Variants in SLC15A5 observed in about 807,000 individuals in gnomAD.
The protein encoded by SLC15A5 is Peptide/histidine transporter ENSP00000340402.
In SLC15A5, 58 loss-of-function variants were observed where a neutral mutation model predicts 56.1. That is an observed-to-expected ratio of 1.03 (90% CI 0.84 to 1.29). SLC15A5 has a LOEUF of 1.29. Ranked by LOEUF, SLC15A5 falls within the 50% of genes most tolerant of loss-of-function variation. The pLI is 0.00. For missense variants in SLC15A5, 681 were observed against 672.1 expected, an observed-to-expected ratio of 1.01 and a Z score of -0.15; for synonymous variants, 264 against 250.5, an observed-to-expected ratio of 1.05 and a Z score of -0.51.
intron 7 of SLC15A5, among the ~76,000 whole-genome samples, chr12:16,206,006 T>C (rs1864015069): frequency 6.6e-6 from 1 of 152,158 alleles, no homozygotes; most frequent in Non-Finnish European, 1.5e-5. Context: ...GAGACAAAAC[T>C]GAAATGGATT....
intron 7 of SLC15A5, among the ~76,000 whole-genome samples, chr12:16,203,329 G>A (rs529725311): frequency 2.6e-5 from 4 of 152,196 alleles, no homozygotes; most frequent in Non-Finnish European, 5.9e-5. Context: ...CACGGAAAAA[G>A]TAGATCTTTT....
chr12:16,228,059 G>A (rs1473587859), intron 5 of SLC15A5, among the ~76,000 whole-genome samples: 1 of 152,208 alleles, frequency 6.6e-6, no homozygotes, highest in Non-Finnish European at 1.5e-5. Context: ...AAAGATGGCA[G>A]TGGTAATATA....
chr12:16,229,382 C>T lies in SLC15A5; in HGVS notation c.1163-4780G>A, dbSNP rs1009471464. Among the ~76,000 whole-genome samples, 4 of 152,092 alleles carry T rather than the reference C, an allele frequency of 2.6e-5. No individual in the cohort carries two copies. The East Asian group carries it at 5.8e-4, about 22-fold the overall frequency. On this transcript the variant is annotated intron_variant, in intron 5 of 8. Transcript: ENST00000344941. The stretch of plus-strand genomic sequence containing the variant: ...TCCATCTTAGGGACTTTTATTTGCT[C>T]TTCACTCTGTCTGAAACCATCCTGT...
At chr12:16,228,641 A>C (rs528523290) in intron 5 of SLC15A5, among the ~76,000 whole-genome samples, 2 of 152,068 alleles carry the variant, frequency 1.3e-5, no homozygotes, top group African/African-American at 4.8e-5. Context: ...AGCAAGGCCA[A>C]CCTCTCCTCC....
intron 7 of SLC15A5, among the ~76,000 whole-genome samples, chr12:16,213,327 T>C (rs1203960686): frequency 6.6e-6 from 1 of 152,200 alleles, no homozygotes; most frequent in Non-Finnish European, 1.5e-5. Flanking sequence ...TTATTATCAT[T>C]ACTGAAATAG....
Position 16,237,322 on chromosome 12 carries a change from C to T in SLC15A5, c.1162+2359G>A, listed in dbSNP as rs1392674958. 2.6e-5 allele frequency among the ~76,000 whole-genome samples: 4 copies of T among 152,034 alleles called. No individual in the cohort carries two copies. The highest frequency in any genetic ancestry group is 2.1e-4 in the South Asian group (1 of 4,828). On this transcript the variant is annotated intron_variant, in intron 5 of 8. Transcript: ENST00000344941. The surrounding 1 kb of genome is among the most constrained non-coding windows in gnomAD (Gnocchi z 4.1). ...GCACTTTTATATTCCCATAGCAAAA[C>T]GTTATGCAAATAAACGTACAAGTAT... is the stretch of plus-strand genomic sequence containing the variant.
At chr12:16,226,493 ATTATCT>A (rs1224883153) in intron 5 of SLC15A5, among the ~76,000 whole-genome samples, 11 of 152,168 alleles carry the variant, frequency 7.2e-5, no homozygotes, top group African/African-American at 2.4e-4. Flanking sequence ...CAAATATAAA[ATTATCT>A]TTATATATAG....
intron 7 of SLC15A5, among the ~76,000 whole-genome samples, chr12:16,205,273 A>G (rs1330345535): frequency 6.6e-6 from 1 of 151,910 alleles, no homozygotes; most frequent in African/African-American, 2.4e-5. Flanking sequence ...AAGGGCTGAA[A>G]TTAATATCTT....
Position 16,239,875 on chromosome 12 carries a change from C to T in SLC15A5, c.976-8G>A, listed in dbSNP as rs752328848. 4.6e-5 allele frequency: 71 copies of T among 1,534,686 alleles called. 1 individual carries two copies. In the South Asian group the frequency reaches 4.7e-4, roughly 10 times the overall value. On this transcript the variant is annotated splice_region_variant and splice_polypyrimidine_tract_variant and intron_variant, in intron 4 of 8. Transcript: ENST00000344941. Reference sequence around the variant, plus strand: ...ATAATATCCTGAAGGAATCTGTATTCGAGAGGGAAACATCCATGCATTAAG... The same window carrying T: ...ATAATATCCTGAAGGAATCTGTATTTGAGAGGGAAACATCCATGCATTAAG...
intron 5 of SLC15A5, among the ~76,000 whole-genome samples, chr12:16,234,187 C>G (rs747516146): frequency 2.0e-5 from 3 of 152,104 alleles, no homozygotes; most frequent in Non-Finnish European, 4.4e-5. Context: ...TGAATTCTAT[C>G]AAGACCTTTT....
At chr12:16,217,696 C>A (rs936924652) in intron 6 of SLC15A5, among the ~76,000 whole-genome samples, 3 of 152,090 alleles carry the variant, frequency 2.0e-5, no homozygotes, top group Non-Finnish European at 2.9e-5. Flanking sequence ...GTATTTTTGA[C>A]AGTATTAATC....
intron 6 of SLC15A5, among the ~76,000 whole-genome samples, chr12:16,220,936 G>A (rs1049642901): frequency 1.3e-5 from 2 of 151,982 alleles, no homozygotes; most frequent in African/African-American, 4.8e-5. Flanking sequence ...TGAGGTGTAC[G>A]CTGCTACAAT....
chr12:16,275,623 A>G, intron 1 of SLC15A5, among the ~76,000 whole-genome samples: 1 of 151,900 alleles, frequency 6.6e-6, no homozygotes, highest in East Asian at 1.9e-4. Context: ...TAACCTCTGA[A>G]ATTTAGTGAC....
rs915262069 is a variant in SLC15A5 at position 16,243,501 on chromosome 12, G to A, written c.975+1079C>T. Among the ~76,000 whole-genome samples, 3 of 152,078 alleles carry A rather than the reference G, an allele frequency of 2.0e-5. No homozygotes were observed. The highest frequency in any genetic ancestry group is 4.1e-4 in the South Asian group (2 of 4,820). On this transcript the variant is annotated intron_variant, in intron 4 of 8. Coordinates refer to ENST00000344941, the MANE Select transcript of SLC15A5 (RefSeq NM_001170798.1). The surrounding 1 kb of genome is among the most constrained non-coding windows in gnomAD (Gnocchi z 4.4). ...TGGGATTACAGGTGTAAGCCACCAC[G>A]CTGGGCTAAATTTTATATAATTTTC...
At chr12:16,236,047 G>A (rs1864349080) in intron 5 of SLC15A5, among the ~76,000 whole-genome samples, 2 of 152,062 alleles carry the variant, frequency 1.3e-5, no homozygotes, top group African/African-American at 4.8e-5. Flanking sequence ...TTATTTAAAA[G>A]CCAAGATAAT....
chr12:16,272,900 A>G, intron 1 of SLC15A5, 117 bp from the exon 2 acceptor site: 1 of 895,408 alleles, frequency 1.1e-6, no homozygotes, highest in East Asian at 2.6e-5. Context: ...TCTTATCCAA[A>G]CATTTATGGT....
Position 16,235,166 on chromosome 12 carries a change from T to C in SLC15A5, c.1162+4515A>G, listed in dbSNP as rs528279277. On this transcript the variant is annotated intron_variant, in intron 5 of 8. Coordinates refer to ENST00000344941, the MANE Select transcript of SLC15A5 (RefSeq NM_001170798.1). The surrounding 1 kb of genome is among the most constrained non-coding windows in gnomAD (Gnocchi z 4.1). ...TTGTCACTCACTTTTTAGGGTGGCATATGTTTTTTATTTTTATTGTTTTCC... is the reference window on the plus strand; with the variant it reads ...TTGTCACTCACTTTTTAGGGTGGCACATGTTTTTTATTTTTATTGTTTTCC... Among the ~76,000 whole-genome samples, 23 of 151,720 alleles carry C rather than the reference T, an allele frequency of 1.5e-4. No individual in the cohort carries two copies. The highest frequency in any genetic ancestry group is 5.1e-4 in the African/African-American group (21 of 41,454).
intron 5 of SLC15A5, among the ~76,000 whole-genome samples, chr12:16,236,075 T>C (rs943599760): frequency 6.6e-6 from 1 of 152,210 alleles, no homozygotes; most frequent in Non-Finnish European, 1.5e-5. Flanking sequence ...TACTGTGTTG[T>C]ACACTTCTGC....
Position 16,205,842 on chromosome 12 carries a change from G to T in SLC15A5, c.1483+11051C>A, listed in dbSNP as rs529106802. ...TCTTTACAAACTACTGTTTTATTTT[G>T]AATGTAATGGAACTATGAAAATCTT... On this transcript the variant is annotated intron_variant, in intron 7 of 8. Coordinates refer to ENST00000344941, the MANE Select transcript of SLC15A5 (RefSeq NM_001170798.1). 1.5e-3 allele frequency among the ~76,000 whole-genome samples: 235 copies of T among 151,960 alleles called. 1 individual carries two copies. Among genetic ancestry groups the T allele is most frequent in the African/African-American group, 5.4e-3 (222 of 41,476 alleles).
Sources: gnomAD v4.1 joint callset for allele counts (sites outside exome capture counted in the v4.1 genomes callset) on GRCh38, gnomAD v4.1.1 for gene constraint, Gnocchi (gnomAD v3.1) non-coding constraint, MANE v1.5 for transcripts, NCBI Gene and HGNC (gene_info 2026-07-23, HGNC 2026-07-21) for gene names.